The following TENM4 variants were observed in gnomAD, a reference collection of about 807,000 sequenced individuals.
TENM4 encodes the protein teneurin-4.
In TENM4, 82 loss-of-function variants were observed where a neutral mutation model predicts 243.3. That is an observed-to-expected ratio of 0.34 (90% CI 0.28 to 0.40). TENM4 has a LOEUF of 0.40. TENM4 is among the 10% of genes least tolerant of loss of function. TENM4 has a pLI of 1.00. For missense variants in TENM4, 3,138 were observed against 3,673.3 expected (o/e 0.85, Z 3.77); for synonymous variants, 1,412 against 1,456.3 (o/e 0.97, Z 0.69).
intron 4 of TENM4, 141 bp downstream of exon 4, chr11:79,148,569 G>C (rs1862437345): frequency 6.2e-6 from 1 of 160,946 alleles, no homozygotes. Flanking sequence ...ATTGTTCTTA[G>C]GGAAAAAAAA....
At chr11:79,349,384 G>A (rs1857378927) in intron 1 of TENM4, among the ~76,000 whole-genome samples, 1 of 152,236 alleles carries the variant, frequency 6.6e-6, no homozygotes, top group Non-Finnish European at 1.5e-5. Flanking sequence ...CTATGCTAAA[G>A]TGTGCAGCAG....
chr11:79,036,530 G>A (rs1412287228), intron 6 of TENM4, among the ~76,000 whole-genome samples: 2 of 152,188 alleles, frequency 1.3e-5, no homozygotes, highest in African/African-American at 4.8e-5. Flanking sequence ...AGTGTGGCAT[G>A]GTACTGGACC....
chr11:79,243,733 G>A (rs893239448), intron 2 of TENM4, among the ~76,000 whole-genome samples: 4 of 152,184 alleles, frequency 2.6e-5, no homozygotes, highest in African/African-American at 9.6e-5. Flanking sequence ...TAAACCAGGA[G>A]AGCAAATATT....
At chr11:79,231,598 C>T (rs575345544) in intron 2 of TENM4, among the ~76,000 whole-genome samples, 1 of 152,326 alleles carries the variant, frequency 6.6e-6, no homozygotes, top group Non-Finnish European at 1.5e-5. Flanking sequence ...AGTTATTCAA[C>T]ATCTCTGCGC....
intron 3 of TENM4, among the ~76,000 whole-genome samples, chr11:79,175,826 T>C (rs1863147631): frequency 1.3e-5 from 2 of 152,204 alleles, no homozygotes; most frequent in African/African-American, 4.8e-5. Flanking sequence ...GTGTGGTGGC[T>C]GCAATCCCAG....
chr11:79,170,871 T>C (rs77285714), intron 3 of TENM4, among the ~76,000 whole-genome samples: 1,939 of 152,136 alleles, frequency 0.013, 53 homozygotes, highest in African/African-American at 0.045. Flanking sequence ...CGGGAGAGGA[T>C]TGTATACATT....
chr11:79,265,631 T>G (rs1855871484), intron 2 of TENM4, among the ~76,000 whole-genome samples: 1 of 152,162 alleles, frequency 6.6e-6, no homozygotes, highest in Non-Finnish European at 1.5e-5. Flanking sequence ...CCATTTTGCT[T>G]TCATCTACTT....
chr11:79,191,720 G>A, intron 3 of TENM4: 1 of 185,256 alleles, frequency 5.4e-6, no homozygotes, highest in Non-Finnish European at 1.1e-5. Flanking sequence ...TGAGATGTGG[G>A]GAGCGCCTCT....
intron 3 of TENM4, among the ~76,000 whole-genome samples, chr11:79,176,376 C>T (rs1481902352): frequency 6.6e-6 from 1 of 152,194 alleles, no homozygotes; most frequent in Non-Finnish European, 1.5e-5. Flanking sequence ...GCATTCCACA[C>T]TGAATCTGTT....
At chr11:78,802,143 G>A (rs1161177258) in intron 15 of TENM4, among the ~76,000 whole-genome samples, 1 of 152,164 alleles carries the variant, frequency 6.6e-6, no homozygotes. Flanking sequence ...TCCAGGCAAC[G>A]AGGCATTCCT....
At chr11:78,939,363 T>C (rs1410365431) in intron 6 of TENM4, among the ~76,000 whole-genome samples, 1 of 152,254 alleles carries the variant, frequency 6.6e-6, no homozygotes, top group African/African-American at 2.4e-5. Context: ...TGATCTTCTA[T>C]GCCCTTCATA....
chr11:78,984,905 G>A (rs944349058), intron 6 of TENM4, among the ~76,000 whole-genome samples: 5 of 152,112 alleles, frequency 3.3e-5, no homozygotes, highest in South Asian at 2.1e-4. Flanking sequence ...AGTGGCTACC[G>A]TATTGGACAG....
chr11:78,709,264 C>T (rs1033908436), intron 26 of TENM4, among the ~76,000 whole-genome samples: 1 of 151,990 alleles, frequency 6.6e-6, no homozygotes, highest in African/African-American at 2.4e-5. Flanking sequence ...CATGCCCGGC[C>T]CGTCCTTCAT....
At chr11:79,253,572 G>T (rs930966950) in intron 2 of TENM4, among the ~76,000 whole-genome samples, 1 of 152,174 alleles carries the variant, frequency 6.6e-6, no homozygotes, top group African/African-American at 2.4e-5. Flanking sequence ...GCGTCTTAGT[G>T]CCTGGTACTT....
At chr11:78,884,418 T>C (rs555565234) in intron 9 of TENM4, among the ~76,000 whole-genome samples, 136 of 151,572 alleles carry the variant, frequency 9.0e-4, no homozygotes, top group African/African-American at 3.1e-3. Flanking sequence ...ACAGCCAGGG[T>C]CTGAGGTGAG....
chr11:79,435,404 T>C (rs1227485799), intron 1 of TENM4, among the ~76,000 whole-genome samples: 1 of 152,118 alleles, frequency 6.6e-6, no homozygotes, highest in East Asian at 1.9e-4. Context: ...CATCTGCCAG[T>C]GCAAAGCAAA....
At chr11:79,036,566 GA>G (rs1309917685) in intron 6 of TENM4, among the ~76,000 whole-genome samples, 2 of 152,206 alleles carry the variant, frequency 1.3e-5, no homozygotes, top group African/African-American at 2.4e-5. Context: ...GAGCAGTAGT[GA>G]GGGGCTTTAG....
At chr11:79,175,396 C>T (rs1863141197) in intron 3 of TENM4, among the ~76,000 whole-genome samples, 1 of 152,144 alleles carries the variant, frequency 6.6e-6, no homozygotes, top group South Asian at 2.1e-4. Flanking sequence ...GCTGGGTACT[C>T]ATTGTAGTAT....
At chr11:79,314,631 T>C (rs1405383112) in intron 1 of TENM4, among the ~76,000 whole-genome samples, 2 of 152,242 alleles carry the variant, frequency 1.3e-5, no homozygotes, top group East Asian at 3.9e-4. Context: ...GTTTGGCTAG[T>C]CATATTAGTT....
Sources: allele counts gnomAD v4.1 joint callset (sites outside exome capture counted in the v4.1 genomes callset), GRCh38; gene constraint gnomAD v4.1.1; transcripts MANE v1.5; gene names NCBI Gene and HGNC (gene_info 2026-07-23, HGNC 2026-07-21).